The following MLLT3 variants were observed in gnomAD, a reference collection of about 807,000 sequenced individuals.
The protein encoded by MLLT3 is MLLT3 super elongation complex subunit, also known as protein AF-9.
In MLLT3, 4 loss-of-function variants were observed where a neutral mutation model predicts 53.2. The observed-to-expected ratio is 0.08, with a 90% CI of 0.04 to 0.17. The LOEUF (loss-of-function observed/expected upper bound fraction) is 0.17, where lower values mean the gene tolerates loss of function less well. MLLT3 is among the 10% of genes least tolerant of loss of function. MLLT3 has a pLI of 1.00. For missense variants in MLLT3, 569 were observed against 684.0 expected (o/e 0.83, Z 1.87); for synonymous variants, 283 against 230.6 (o/e 1.23, Z -2.06).
chr9:20,387,268 T>C (rs1224172282), intron 5 of MLLT3, among the ~76,000 whole-genome samples: 1 of 152,196 alleles, frequency 6.6e-6, no homozygotes, highest in Non-Finnish European at 1.5e-5. Flanking sequence ...TAAAACTTTA[T>C]TTACAAAAAC....
At chr9:20,482,999 A>T (rs1467489537) in intron 2 of MLLT3, among the ~76,000 whole-genome samples, 2 of 152,094 alleles carry the variant, frequency 1.3e-5, no homozygotes, top group Admixed American at 6.5e-5. Flanking sequence ...ATTGTACAGT[A>T]CTACTTACAT....
chr9:20,459,104 C>T (rs974614020), intron 2 of MLLT3, among the ~76,000 whole-genome samples: 6 of 152,172 alleles, frequency 3.9e-5, no homozygotes, highest in Admixed American at 3.9e-4. Flanking sequence ...TGTAAGGAAA[C>T]AGAAGCGCGA....
intron 10 of MLLT3, among the ~76,000 whole-genome samples, chr9:20,351,620 G>A (rs1241583374): frequency 1.3e-5 from 2 of 152,208 alleles, no homozygotes; most frequent in Non-Finnish European, 2.9e-5. Flanking sequence ...CTTTTTGTGA[G>A]CCAAATAAAA....
At chr9:20,617,728 C>T (rs1820870816) in intron 2 of MLLT3, among the ~76,000 whole-genome samples, 1 of 152,178 alleles carries the variant, frequency 6.6e-6, no homozygotes, top group African/African-American at 2.4e-5. Flanking sequence ...ATAGACATTC[C>T]AGGCTTCACC....
At chr9:20,609,046 T>C (rs910243698) in intron 2 of MLLT3, among the ~76,000 whole-genome samples, 3 of 152,042 alleles carry the variant, frequency 2.0e-5, no homozygotes, top group Non-Finnish European at 2.9e-5. Context: ...AAAGATACTC[T>C]GTCAAGAAGC....
chr9:20,365,652 G>T lies in MLLT3; in HGVS notation c.1201+17C>A. On this transcript the variant is annotated intron_variant, in intron 6 of 10. Transcript: ENST00000380338. Reference sequence around the variant, plus strand: ...TTATGAGAAAAGCATCTCCTAGTTTGCATGAGATGTTGATACCTTGTTGCC... The same window carrying T: ...TTATGAGAAAAGCATCTCCTAGTTTTCATGAGATGTTGATACCTTGTTGCC... The T allele has an allele frequency of 9.3e-6, 15 of 1,613,792 alleles. No individual in the cohort carries two copies. Among genetic ancestry groups the T allele is most frequent in the Non-Finnish European group, 1.3e-5 (15 of 1,179,692 alleles).
chr9:20,378,452 A>C (rs530321068), intron 5 of MLLT3, among the ~76,000 whole-genome samples: 1 of 152,170 alleles, frequency 6.6e-6, no homozygotes, highest in South Asian at 2.1e-4. Flanking sequence ...TCAGAGCTTA[A>C]AAGTTTACTT....
intron 2 of MLLT3, among the ~76,000 whole-genome samples, chr9:20,518,999 ATTCT>A (rs758395047): frequency 3.7e-4 from 57 of 152,252 alleles, no homozygotes; most frequent in Non-Finnish European, 7.6e-4. Context: ...CAATGAGTTA[ATTCT>A]TCCTTCCTAT....
intron 5 of MLLT3, 30 bp downstream of exon 5, chr9:20,413,691 A>G: frequency 6.6e-7 from 1 of 1,509,572 alleles, no homozygotes. Context: ...AAAATAAGGG[A>G]AAGGAAGAAA....
intron 2 of MLLT3, among the ~76,000 whole-genome samples, chr9:20,492,549 C>A (rs1157510911): frequency 6.6e-6 from 1 of 151,886 alleles, no homozygotes. Flanking sequence ...AACATCACTT[C>A]ATTACTTCCC....
intron 2 of MLLT3, among the ~76,000 whole-genome samples, chr9:20,551,325 C>T (rs990500400): frequency 6.6e-6 from 1 of 152,130 alleles, no homozygotes; most frequent in Non-Finnish European, 1.5e-5. Flanking sequence ...CTCTTTAATC[C>T]AATGCATTCC....
At chr9:20,406,493 A>T (rs1370487424) in intron 5 of MLLT3, among the ~76,000 whole-genome samples, 1 of 152,172 alleles carries the variant, frequency 6.6e-6, no homozygotes, top group African/African-American at 2.4e-5. Context: ...ACTTAAAGTG[A>T]CATGATAGTT....
chr9:20,560,289 T>G (rs570277749), intron 2 of MLLT3, among the ~76,000 whole-genome samples: 1 of 152,174 alleles, frequency 6.6e-6, no homozygotes, highest in Non-Finnish European at 1.5e-5. Context: ...AGAAGGTATG[T>G]AGTCATTTTT....
chr9:20,452,281 T>C (rs928263731), intron 3 of MLLT3, among the ~76,000 whole-genome samples: 1 of 152,214 alleles, frequency 6.6e-6, no homozygotes, highest in Non-Finnish European at 1.5e-5. Context: ...AATTAGATTA[T>C]GGGGGTGTTC....
chr9:20,349,320 T>C (rs1290571212), intron 10 of MLLT3, among the ~76,000 whole-genome samples: 3 of 152,184 alleles, frequency 2.0e-5, no homozygotes, highest in African/African-American at 7.2e-5. Flanking sequence ...AAGCTTCTTA[T>C]AAATGGTAAA....
intron 2 of MLLT3, among the ~76,000 whole-genome samples, chr9:20,498,631 G>T (rs781712803): frequency 6.6e-6 from 1 of 152,088 alleles, no homozygotes; most frequent in African/African-American, 2.4e-5. Context: ...AGATTTTTTT[G>T]TGTGTGATTT....
intron 2 of MLLT3, among the ~76,000 whole-genome samples, chr9:20,527,101 G>A (rs147876546): frequency 6.6e-6 from 1 of 152,142 alleles, no homozygotes; most frequent in Non-Finnish European, 1.5e-5. Context: ...ACAAAGAACA[G>A]TGTAAGATCA....
intron 4 of MLLT3, among the ~76,000 whole-genome samples, chr9:20,438,197 ACT>A (rs758160811): frequency 2.6e-4 from 39 of 152,328 alleles, no homozygotes; most frequent in Admixed American, 1.2e-3. Context: ...TCTCCAGATA[ACT>A]CTGTCTAGAC....
chr9:20,352,123 G>A (rs926415537), intron 10 of MLLT3, among the ~76,000 whole-genome samples: 1 of 152,194 alleles, frequency 6.6e-6, no homozygotes, highest in Non-Finnish European at 1.5e-5. Context: ...ACATTAAATT[G>A]CGAATGCCAA....
Sources: gnomAD v4.1 joint callset for allele counts (sites outside exome capture counted in the v4.1 genomes callset) on GRCh38, gnomAD v4.1.1 for gene constraint, MANE v1.5 for transcripts, NCBI Gene and HGNC (gene_info 2026-07-23, HGNC 2026-07-21) for gene names.